SRCAP: variants seen among roughly 807,000 people sequenced by gnomAD.
SRCAP encodes the protein chromatin remodeling protein SRCAP.
In SRCAP, 46 loss-of-function variants were observed where a neutral mutation model predicts 263.1. That is an observed-to-expected ratio of 0.17 (90% CI 0.14 to 0.22). SRCAP has a LOEUF of 0.22. SRCAP is among the 10% of genes least tolerant of loss of function. The pLI is 1.00. For missense variants in SRCAP, 3,695 were observed against 4,181.9 expected (o/e 0.88, Z 3.21); for synonymous variants, 1,813 against 1,662.1 (o/e 1.09, Z -2.21).
chr16:30,732,451 CAAAA>C (rs753314352), intron 27 of SRCAP, among the ~76,000 whole-genome samples: 1 of 112,974 alleles, frequency 8.9e-6, no homozygotes, highest in African/African-American at 3.3e-5. Flanking sequence ...AACTCTGTCT[CAAAA>C]AAAAAAAAAG....
At chr16:30,732,629 T>C (rs2053124366) in intron 27 of SRCAP, among the ~76,000 whole-genome samples, 2 of 152,142 alleles carry the variant, frequency 1.3e-5, no homozygotes, top group African/African-American at 4.8e-5. Flanking sequence ...TTTGTTGATA[T>C]CTATCCTGTG....
At chr16:30,726,125 A>G (rs897929175) in intron 25 of SRCAP, 2 of 152,162 alleles carry the variant, frequency 1.3e-5, no homozygotes, top group Non-Finnish European at 2.9e-5. Flanking sequence ...GTCATAATGT[A>G]TAATGTGTGG....
rs2053175458 is a variant in SRCAP at position 30,737,768 on chromosome 16, A to G, written c.7728A>G (p.Ser2576=). The G allele has an allele frequency of 6.2e-7, 1 of 1,613,802 alleles. No homozygotes were observed. Among genetic ancestry groups the G allele is most frequent in the African/African-American group, 1.3e-5 (1 of 74,828 alleles). The stretch of plus-strand genomic sequence containing the variant: ...CTGTGGCCAGTTCAGAAACCTCCTC[A>G]CTTTCTCTTGTGCCCCCTAAAGATC... ...LASVASSETS[S]LSLVPPKDLL... is the part of the protein sequence containing the mutation. The change falls in exon 34 of 34, where the codon TCA becomes TCG. Residue 2576 remains serine, a synonymous_variant. Transcript: ENST00000262518.
Position 30,720,876 on chromosome 16 carries a change from G to A in SRCAP, c.3151G>A (p.Val1051Ile), listed in dbSNP as rs1462569991. The change falls in exon 20 of 34, where the codon GTT (valine) becomes ATT (isoleucine). Residue 1051 changes from valine to isoleucine, a missense_variant. Physicochemically the swap from Val to Ile is conservative, Grantham distance 29. Around this residue, in one of 12 missense-constraint regions of SRCAP, gnomAD observed 1,347 missense variants for 1,304.4 expected, o/e 1.03. Coordinates refer to ENST00000262518, the MANE Select transcript of SRCAP (RefSeq NM_006662.3). ...VPQVLPASLM[V>I]SASPAGPPLI... ...CCAAGTGCTGCCAGCATCACTGATG[G>A]TTTCAGCCTCACCTGCCGGGCCCCC... 1 of 1,614,050 alleles carries A rather than the reference G, an allele frequency of 6.2e-7. No homozygotes were observed. Among genetic ancestry groups the A allele is most frequent in the South Asian group, 1.1e-5 (1 of 91,078 alleles).
At chr16:30,700,028 T>A (rs2052747615) in intron 2 of SRCAP, 47 bp downstream of exon 2, 1 of 152,090 alleles carries the variant, frequency 6.6e-6, no homozygotes, top group African/African-American at 2.4e-5. Flanking sequence ...ATGGGAGAAA[T>A]GTTTGAGATA....
chr16:30,714,608 C>T (rs988112691), intron 16 of SRCAP, among the ~76,000 whole-genome samples: 1 of 144,936 alleles, frequency 6.9e-6, no homozygotes, highest in Non-Finnish European at 1.5e-5. Context: ...TCAAGCGATT[C>T]TCCTGCCTCA....
chr16:30,721,575 C>G, intron 21 of SRCAP, 99 bp downstream of exon 21: 1 of 1,434,874 alleles, frequency 7.0e-7, no homozygotes, highest in South Asian at 1.3e-5. Flanking sequence ...GGCATGATGG[C>G]TCATGCCTAT....
Position 30,712,451 on chromosome 16 carries a change from AG to A in SRCAP, c.1993+14del. ...GGCTTGTGAGAAAGGTAAGTAGGCA[AG>A]GCCCCTTCTTTTGTTCCCCCTAGTC... On this transcript the variant is annotated intron_variant, in intron 13 of 33. Coordinates refer to ENST00000262518, the MANE Select transcript of SRCAP (RefSeq NM_006662.3). 2 of 1,556,226 alleles carry A rather than the reference AG, an allele frequency of 1.3e-6. No homozygotes were observed. The highest frequency in any genetic ancestry group is 1.7e-6 in the Non-Finnish European group (2 of 1,153,830).
intron 4 of SRCAP, among the ~76,000 whole-genome samples, chr16:30,706,173 C>CAG (rs2052825403): frequency 6.6e-6 from 1 of 152,148 alleles, no homozygotes. Context: ...ATAACAAAGA[C>CAG]AGAGGCTGGG....
chr16:30,705,122 A>G (rs2052812355), intron 4 of SRCAP, among the ~76,000 whole-genome samples: 1 of 152,090 alleles, frequency 6.6e-6, no homozygotes, highest in African/African-American at 2.4e-5. Flanking sequence ...CCAACGTGGC[A>G]AAATCCCATC....
At chr16:30,721,798 GAATA>G (rs1206127531) in intron 21 of SRCAP, among the ~76,000 whole-genome samples, 1 of 152,230 alleles carries the variant, frequency 6.6e-6, no homozygotes, top group Non-Finnish European at 1.5e-5. Flanking sequence ...ACACATAGAT[GAATA>G]AATAGTGGTA....
chr16:30,720,470 CAG>C lies in SRCAP; in HGVS notation c.2987+140_2987+141del. 2.7e-6 allele frequency: 3 copies of C among 1,115,284 alleles called. No individual in the cohort carries two copies. In the South Asian group the frequency reaches 4.6e-5, roughly 17 times the overall value. 69.1% of individuals were successfully genotyped at this position (1,115,284 alleles called of 1,614,324 possible). ...GGATGGGTGCAAACGTGGAGGGAATCAGGGAGAGAATAACTAGAAGAGGGTAC... is the reference window on the plus strand; with the variant it reads ...GGATGGGTGCAAACGTGGAGGGAATCGGAGAGAATAACTAGAAGAGGGTAC... On this transcript the variant is annotated intron_variant, in intron 19 of 33. Coordinates refer to ENST00000262518, the MANE Select transcript of SRCAP (RefSeq NM_006662.3).
chr16:30,720,061 C>T lies in SRCAP; in HGVS notation c.2818-101C>T, dbSNP rs927888447. On this transcript the variant is annotated intron_variant, in intron 18 of 33. Transcript: ENST00000262518. ...ACATGTGGTATTTGGTTTTCTGTTTCTGTGTTAATTCACTTAAGGATAATG... is the reference window on the plus strand; with the variant it reads ...ACATGTGGTATTTGGTTTTCTGTTTTTGTGTTAATTCACTTAAGGATAATG... 2.9e-5 allele frequency: 39 copies of T among 1,337,502 alleles called. 1 individual carries two copies. The East Asian group carries it at 5.5e-4, about 19-fold the overall frequency. 82.9% of individuals were successfully genotyped at this position (1,337,502 alleles called of 1,614,324 possible).
rs2053169473 is a variant in SRCAP, at chr16:30,737,238, C to T, written c.7198C>T (p.Arg2400Cys). 5.0e-6 allele frequency: 8 copies of T among 1,614,064 alleles called. No homozygotes were observed. Among genetic ancestry groups the T allele is most frequent in the Non-Finnish European group, 6.8e-6 (8 of 1,180,000 alleles). The change falls in exon 34 of 34, where the codon CGT becomes TGT. Residue 2400 changes from arginine to cysteine, a missense_variant. Transcript: ENST00000262518. ...GGGGACTCGTGTCAGTGAGCGTCTT[C>T]GTGGAGCCCGGGCTGAGACTCAAGG... Reference protein sequence around the residue: ...RPGTRVSERLRGARAETQGAN... With the variant: ...RPGTRVSERLCGARAETQGAN...
chr16:30,729,546 A>G lies in SRCAP; in HGVS notation c.6101A>G (p.Asp2034Gly). ...IVCNMRTQFPDLRLIQYDCGK... is the reference protein window; with the variant it reads ...IVCNMRTQFPGLRLIQYDCGK... ...TGTAACATGCGCACCCAGTTCCCTG[A>G]CTTAAGACTCATCCAGTATGATTGC... is the stretch of plus-strand genomic sequence containing the variant. Residue 2034 changes from aspartate to glycine, a missense_variant, in exon 27 of 34, where the codon GAC becomes GGC. By Grantham distance (94) the Asp-to-Gly change is moderately conservative. Transcript: ENST00000262518. The G allele has an allele frequency of 6.2e-7, 1 of 1,614,136 alleles. No homozygotes were observed. Among genetic ancestry groups the G allele is most frequent in the Non-Finnish European group, 8.5e-7 (1 of 1,180,012 alleles).
chr16:30,736,168 A>T, intron 31 of SRCAP, 32 bp from the exon 32 acceptor site: 2 of 1,611,784 alleles, frequency 1.2e-6, no homozygotes, highest in South Asian at 2.2e-5. Context: ...TTGAAGTCTC[A>T]TGTTTTCTTT....
intron 3 of SRCAP, among the ~76,000 whole-genome samples, 181 bp from the exon 4 acceptor site, chr16:30,703,883 C>T (rs925579035): frequency 4.1e-5 from 6 of 147,386 alleles, no homozygotes; most frequent in Admixed American, 2.0e-4. Flanking sequence ...GGCGACAGAG[C>T]GAGACTCCAT....
intron 4 of SRCAP, among the ~76,000 whole-genome samples, chr16:30,705,811 A>G (rs1046755402): frequency 2.0e-5 from 3 of 151,394 alleles, no homozygotes; most frequent in Non-Finnish European, 2.9e-5. Flanking sequence ...GGTTCACGCC[A>G]TTCTCCTGCC....
At position 30,737,518 on chromosome 16, in the gene SRCAP, C is replaced by T. The variant is rs1396275369; in HGVS notation, c.7478C>T (p.Pro2493Leu). 1 of 1,604,718 alleles carries T rather than the reference C, an allele frequency of 6.2e-7. No individual in the cohort carries two copies. The highest frequency in any genetic ancestry group is 1.7e-5 in the Admixed American group (1 of 59,876). ...PSPPPPSQIP[P>L]CSSPACTPPP... is the part of the protein sequence containing the mutation. The stretch of plus-strand genomic sequence containing the variant: ...CCTCCCCCTCCTTCACAGATTCCTC[C>T]TTGTTCTTCTCCTGCCTGCACCCCT... The change falls in exon 34 of 34, where the codon CCT becomes CTT. Residue 2493 changes from proline (P) to leucine (L), a missense_variant. Around this residue, in one of 12 missense-constraint regions of SRCAP, gnomAD observed 1,207 missense variants for 1,142.9 expected, o/e 1.06. Transcript: ENST00000262518.
Sources: allele counts gnomAD v4.1 joint callset (sites outside exome capture counted in the v4.1 genomes callset), GRCh38; gene constraint gnomAD v4.1.1; regional missense constraint gnomAD v4.1.1; transcripts MANE v1.5; gene names NCBI Gene and HGNC (gene_info 2026-07-23, HGNC 2026-07-21).